The following IFNGR2 variants were observed in gnomAD, a reference collection of about 807,000 sequenced individuals.
IFNGR2 encodes the protein IFN-gamma receptor 2.
A neutral mutation model predicts 41.1 loss-of-function variants in IFNGR2; 15 were observed. That is an observed-to-expected ratio of 0.37 (90% CI 0.24 to 0.56). The LOEUF is 0.56. Among genes scored for constraint, IFNGR2 ranks in the 20% least tolerant of loss-of-function variants. The pLI is 0.81. For missense variants in IFNGR2, 362 were observed against 415.7 expected, an observed-to-expected ratio of 0.87 and a Z score of 1.12; for synonymous variants, 161 against 171.6, an observed-to-expected ratio of 0.94 and a Z score of 0.48.
At chr21:33,410,674 G>A (rs1019374541) in intron 1 of IFNGR2, among the ~76,000 whole-genome samples, 1 of 151,924 alleles carries the variant, frequency 6.6e-6, no homozygotes, top group Non-Finnish European at 1.5e-5. Flanking sequence ...CACCATGTTG[G>A]CCAGGCTGGT....
At chr21:33,421,293 C>A (rs2123348338) in intron 2 of IFNGR2, among the ~76,000 whole-genome samples, 187 bp from the exon 3 acceptor site, 2 of 128,092 alleles carry the variant, frequency 1.6e-5, no homozygotes, top group Middle Eastern at 5.0e-3. Context: ...GATTGCGCTA[C>A]TGCACTCCAG....
chr21:33,432,713 G>T lies in IFNGR2; in HGVS notation c.722-1G>T. Reference sequence around the variant, plus strand: ...TGTTCACTTTCGTGTCCTCTTTTTAGCCTCCACTGAGCTTCAGCAAGTCAT... The same window carrying T: ...TGTTCACTTTCGTGTCCTCTTTTTATCCTCCACTGAGCTTCAGCAAGTCAT... On this transcript the variant is annotated splice_acceptor_variant, in intron 5 of 6. Coordinates refer to ENST00000290219, the MANE Select transcript of IFNGR2 (RefSeq NM_005534.4). LOFTEE classifies it high-confidence loss of function. The T allele has an allele frequency of 4.3e-6, 7 of 1,614,052 alleles. No homozygotes were observed. Among genetic ancestry groups the T allele is most frequent in the Non-Finnish European group, 5.9e-6 (7 of 1,179,988 alleles).
chr21:33,414,072 A>C (rs145645570), intron 1 of IFNGR2, among the ~76,000 whole-genome samples: 2,727 of 152,182 alleles, frequency 0.018, 75 homozygotes, highest in African/African-American at 0.063. Flanking sequence ...ACCTCGAGTG[A>C]TCTGCCTTCC....
At chr21:33,410,907 T>C in intron 1 of IFNGR2, 1 of 1,513,356 alleles carries the variant, frequency 6.6e-7, no homozygotes. Context: ...GACAAGAGTA[T>C]CTGGGTGTAA....
chr21:33,417,484 A>C (rs2083762027), intron 2 of IFNGR2, among the ~76,000 whole-genome samples: 1 of 152,228 alleles, frequency 6.6e-6, no homozygotes, highest in Non-Finnish European at 1.5e-5. Context: ...AATCACATTG[A>C]TCTGTTCCTC....
At chr21:33,410,864 A>G (rs2123333119) in intron 1 of IFNGR2, 1 of 1,548,426 alleles carries the variant, frequency 6.5e-7, no homozygotes, top group African/African-American at 1.4e-5. Flanking sequence ...CCTACCAAGA[A>G]TGGTGCAATG....
chr21:33,428,264 C>T (rs2083857433), intron 4 of IFNGR2, among the ~76,000 whole-genome samples: 1 of 151,306 alleles, frequency 6.6e-6, no homozygotes, highest in African/African-American at 2.4e-5. Flanking sequence ...CACTGTCGCC[C>T]AGGCTAGAGT....
chr21:33,408,046 T>A (rs1181591021), intron 1 of IFNGR2, among the ~76,000 whole-genome samples: 1 of 152,146 alleles, frequency 6.6e-6, no homozygotes. Context: ...ACTTTCATCA[T>A]AATGTCCCCG....
At chr21:33,432,006 A>G (rs545290254) in intron 4 of IFNGR2, among the ~76,000 whole-genome samples, 171 bp from the exon 5 acceptor site, 46 of 152,348 alleles carry the variant, frequency 3.0e-4, no homozygotes, top group Non-Finnish European at 6.3e-4. Flanking sequence ...CACACAACAC[A>G]CCAATTTTCA....
chr21:33,432,625 G>A (rs1189118665), intron 5 of IFNGR2, 89 bp from the exon 6 acceptor site: 3 of 1,421,708 alleles, frequency 2.1e-6, no homozygotes, highest in African/African-American at 2.8e-5. Context: ...GGACAGGAAT[G>A]CTCTTTAAGC....
At chr21:33,410,838 C>T in intron 1 of IFNGR2, 1 of 1,540,832 alleles carries the variant, frequency 6.5e-7, no homozygotes. Context: ...ATGCTCAGCA[C>T]AGCTAACTTT....
At position 33,432,871 on chromosome 21, in the gene IFNGR2, G is replaced by T; in HGVS notation, c.879G>T (p.Glu293Asp). Residue 293 changes from glutamate (E) to aspartate (D), a missense_variant and splice_region_variant, in exon 6 of 7, where the codon GAG becomes GAT. By Grantham distance (45) the Glu-to-Asp change is conservative (BLOSUM62 2). Coordinates refer to ENST00000290219, the MANE Select transcript of IFNGR2 (RefSeq NM_005534.4). ...TPPSIPLQIE[E>D]YLKDPTQPIL... ...CAAGCATCCCATTACAGATAGAAGA[G>T]GTACGTGTGCACACATCTCTTTTTT... The T allele has an allele frequency of 6.2e-7, 1 of 1,611,812 alleles. No individual in the cohort carries two copies.
chr21:33,426,168 T>C (rs553547764), intron 3 of IFNGR2, among the ~76,000 whole-genome samples: 15 of 152,020 alleles, frequency 9.9e-5, no homozygotes, highest in Non-Finnish European at 1.3e-4. Flanking sequence ...ATCCCAGCAC[T>C]TTGGGAGGCC....
At position 33,405,987 on chromosome 21, in the gene IFNGR2, C is replaced by T. The variant is rs1030364378; in HGVS notation, c.73+2371C>T. On this transcript the variant is annotated intron_variant, in intron 1 of 6. Transcript: ENST00000290219. Reference sequence around the variant, plus strand: ...AGAGGTGCAGTAAGCTGAGATCACACCACTGCACTCCAGCCTGGGCGACAA... The same window carrying T: ...AGAGGTGCAGTAAGCTGAGATCACATCACTGCACTCCAGCCTGGGCGACAA... 3.3e-5 allele frequency among the ~76,000 whole-genome samples: 5 copies of T among 152,128 alleles called. No individual in the cohort carries two copies. The East Asian group carries it at 9.6e-4, about 29-fold the overall frequency.
At chr21:33,404,290 G>A (rs139576480) in intron 1 of IFNGR2, among the ~76,000 whole-genome samples, 11 of 152,208 alleles carry the variant, frequency 7.2e-5, no homozygotes, top group African/African-American at 2.2e-4. Context: ...GACTTTGGCC[G>A]AGGGCATGTT....
At chr21:33,404,603 A>AT (rs889868026) in intron 1 of IFNGR2, among the ~76,000 whole-genome samples, 1 of 151,808 alleles carries the variant, frequency 6.6e-6, no homozygotes, top group African/African-American at 2.4e-5. Context: ...CAATTTTTGT[A>AT]TTTTTTGTAG....
intron 6 of IFNGR2, among the ~76,000 whole-genome samples, chr21:33,436,127 G>A (rs529620660): frequency 8.6e-5 from 13 of 151,678 alleles, no homozygotes; most frequent in African/African-American, 3.1e-4. Context: ...GGAGGCCGAG[G>A]CGGGCGGATC....
At chr21:33,421,783 A>G in intron 3 of IFNGR2, 98 bp downstream of exon 3, 1 of 949,542 alleles carries the variant, frequency 1.1e-6, no homozygotes, top group Non-Finnish European at 1.7e-6. Context: ...GTCACCCTAA[A>G]TGACCAGCAG....
At chr21:33,416,604 C>T (rs1159211428) in intron 2 of IFNGR2, among the ~76,000 whole-genome samples, 1 of 152,056 alleles carries the variant, frequency 6.6e-6, no homozygotes, top group Non-Finnish European at 1.5e-5. Context: ...GGGCGGATCA[C>T]GCGGTGAGGA....
Sources: allele counts gnomAD v4.1 joint callset (sites outside exome capture counted in the v4.1 genomes callset), GRCh38; gene constraint gnomAD v4.1.1; transcripts MANE v1.5; gene names NCBI Gene and HGNC (gene_info 2026-07-23, HGNC 2026-07-21).